PRKG1: variants seen among roughly 807,000 people sequenced by gnomAD.
PRKG1 encodes protein kinase cGMP-dependent 1.
A neutral mutation model predicts 88.1 loss-of-function variants in PRKG1; 35 were observed. The ratio of observed to expected loss-of-function variants is 0.40; its 90% CI spans 0.30 to 0.53. PRKG1 has a LOEUF of 0.53. Among genes scored for constraint, PRKG1 ranks in the 20% least tolerant of loss-of-function variants. The pLI is 0.59. For synonymous variants in PRKG1, 303 were observed against 292.5 expected, an observed-to-expected ratio of 1.04 and a Z score of -0.37; for missense variants, 540 against 839.8, an observed-to-expected ratio of 0.64 and a Z score of 4.41.
chr10:51,547,625 G>C (rs1036818960), intron 3 of PRKG1, among the ~76,000 whole-genome samples: 4 of 152,084 alleles, frequency 2.6e-5, no homozygotes, highest in Admixed American at 2.6e-4. Flanking sequence ...TTTAATAGTA[G>C]TTCCCAGTTA....
chr10:51,383,147 A>G (rs1339888389), intron 2 of PRKG1, among the ~76,000 whole-genome samples: 1 of 152,144 alleles, frequency 6.6e-6, no homozygotes, highest in African/African-American at 2.4e-5. Flanking sequence ...GATAGAGAAG[A>G]TCCCTGAACA....
chr10:52,288,788 T>C lies in PRKG1; in HGVS notation c.1772T>C (p.Met591Thr). The stretch of plus-strand genomic sequence containing the variant: ...AACATCATATTGAGGGGGATTGACA[T>C]GATAGAATTTCCAAAGAAGATTGCC... ...TYNIILRGID[M>T]IEFPKKIAKN... Residue 591 changes from methionine to threonine, a missense_variant, in exon 15 of 18, where the codon ATG becomes ACG. By Grantham distance (81) the Met-to-Thr change is moderately conservative. Around this residue, in one of 5 missense-constraint regions of PRKG1, gnomAD observed 97 missense variants for 210.6 expected, o/e 0.46. Transcript: ENST00000373980. 1 of 1,607,758 alleles carries C rather than the reference T, an allele frequency of 6.2e-7. No homozygotes were observed. Among genetic ancestry groups the C allele is most frequent in the Non-Finnish European group, 8.5e-7 (1 of 1,177,308 alleles).
intron 3 of PRKG1, among the ~76,000 whole-genome samples, chr10:51,754,018 G>C (rs1165975868): frequency 6.6e-6 from 1 of 151,972 alleles, no homozygotes; most frequent in Non-Finnish European, 1.5e-5. Context: ...ATGGACTCTT[G>C]AATCCTGGAT....
chr10:52,014,853 A>G (rs1564430049), intron 5 of PRKG1, among the ~76,000 whole-genome samples: 1 of 152,208 alleles, frequency 6.6e-6, no homozygotes, highest in African/African-American at 2.4e-5. Context: ...TAAAGCTCCA[A>G]AATAATCTCC....
chr10:51,970,742 T>C (rs1254748387), intron 5 of PRKG1, among the ~76,000 whole-genome samples: 1 of 125,154 alleles, frequency 8.0e-6, no homozygotes, highest in Non-Finnish European at 1.5e-5. Context: ...TCAGATTATA[T>C]ATATATATCA....
At chr10:51,212,162 C>T (rs1372100262) in intron 2 of PRKG1, among the ~76,000 whole-genome samples, 24 of 151,932 alleles carry the variant, frequency 1.6e-4, no homozygotes, top group African/African-American at 5.3e-4. Context: ...AATAATGCCG[C>T]ATATCTACAA....
At position 51,946,291 on chromosome 10, in the gene PRKG1, G is replaced by A. The variant is rs532829658; in HGVS notation, c.762+38721G>A. On this transcript the variant is annotated intron_variant, in intron 5 of 17. Coordinates refer to ENST00000373980, the MANE Select transcript of PRKG1 (RefSeq NM_006258.4). Reference sequence around the variant, plus strand: ...TCTGCATTCTTCCCATAGTTCTCGAGCCTTGGCTTTCAGCTCCATCAGCTC... The same window carrying A: ...TCTGCATTCTTCCCATAGTTCTCGAACCTTGGCTTTCAGCTCCATCAGCTC... Among the ~76,000 whole-genome samples the A allele has an allele frequency of 3.9e-5, 6 of 152,076 alleles. No individual in the cohort carries two copies. The East Asian group carries it at 5.8e-4, about 15-fold the overall frequency.
intron 2 of PRKG1, among the ~76,000 whole-genome samples, chr10:51,290,353 A>G (rs191687978): frequency 6.6e-6 from 1 of 152,244 alleles, no homozygotes; most frequent in African/African-American, 2.4e-5. Flanking sequence ...TTTTGTGCTC[A>G]GATAACCAAG....
At chr10:51,828,004 T>C (rs565608148) in intron 4 of PRKG1, among the ~76,000 whole-genome samples, 4 of 152,272 alleles carry the variant, frequency 2.6e-5, no homozygotes, top group Admixed American at 2.6e-4. Flanking sequence ...ACAACTACTT[T>C]TCATCACTTG....
intron 4 of PRKG1, among the ~76,000 whole-genome samples, chr10:51,890,725 G>A (rs893610206): frequency 1.3e-5 from 2 of 152,160 alleles, no homozygotes; most frequent in African/African-American, 4.8e-5. Flanking sequence ...GGAGGTCAAG[G>A]CGGGTGGATC....
At chr10:51,132,739 T>C (rs1047587572) in intron 1 of PRKG1, among the ~76,000 whole-genome samples, 5 of 148,102 alleles carry the variant, frequency 3.4e-5, no homozygotes, top group African/African-American at 4.9e-5. Flanking sequence ...TAATATAATA[T>C]ATATATATAA....
At chr10:51,776,145 A>G (rs1329440825) in intron 3 of PRKG1, among the ~76,000 whole-genome samples, 1 of 152,182 alleles carries the variant, frequency 6.6e-6, no homozygotes, top group South Asian at 2.1e-4. Flanking sequence ...TTATCTACCC[A>G]AAGACCCCTG....
At chr10:51,970,736 AT>A (rs981340033) in intron 5 of PRKG1, among the ~76,000 whole-genome samples, 11 of 122,926 alleles carry the variant, frequency 8.9e-5, no homozygotes, top group Non-Finnish European at 1.7e-4. Flanking sequence ...GATATATCAG[AT>A]TATATATATA....
intron 2 of PRKG1, among the ~76,000 whole-genome samples, chr10:51,278,641 G>T (rs1245686758): frequency 1.3e-5 from 2 of 152,206 alleles, no homozygotes; most frequent in Non-Finnish European, 2.9e-5. Context: ...ACCTGTTATT[G>T]GTCTATTCAG....
chr10:51,477,988 G>T (rs1441702768), intron 3 of PRKG1, among the ~76,000 whole-genome samples: 1 of 152,016 alleles, frequency 6.6e-6, no homozygotes, highest in African/African-American at 2.4e-5. Context: ...CACAGGCTGG[G>T]CATTGAATTC....
chr10:51,821,327 C>T (rs10999634), intron 4 of PRKG1, among the ~76,000 whole-genome samples: 22 of 151,808 alleles, frequency 1.4e-4, no homozygotes, highest in Admixed American at 3.9e-4. Context: ...GCATGTTTTT[C>T]GTGAGCGTCT....
At chr10:51,429,914 C>A (rs1838708945) in intron 2 of PRKG1, among the ~76,000 whole-genome samples, 1 of 151,246 alleles carries the variant, frequency 6.6e-6, no homozygotes, top group African/African-American at 2.4e-5. Flanking sequence ...AACAGCAGTC[C>A]CAGAAAGGAA....
chr10:52,119,860 C>G (rs1354902137), intron 7 of PRKG1, among the ~76,000 whole-genome samples: 2 of 151,864 alleles, frequency 1.3e-5, no homozygotes, highest in Non-Finnish European at 2.9e-5. Flanking sequence ...TATCCAATGG[C>G]AGAAGGCAGA....
intron 1 of PRKG1, among the ~76,000 whole-genome samples, chr10:51,038,427 T>C (rs1843380449): frequency 6.6e-6 from 1 of 152,242 alleles, no homozygotes; most frequent in African/African-American, 2.4e-5. Flanking sequence ...TTATTCATTG[T>C]ATCTAACTAT....
Sources: allele counts gnomAD v4.1 joint callset (sites outside exome capture counted in the v4.1 genomes callset), GRCh38; gene constraint gnomAD v4.1.1; regional missense constraint gnomAD v4.1.1; transcripts MANE v1.5; gene names NCBI Gene and HGNC (gene_info 2026-07-23, HGNC 2026-07-21).